DPY19L1: variants seen among roughly 807,000 people sequenced by gnomAD.
The protein encoded by DPY19L1 is dpy-19 like C-mannosyltransferase 1, also known as protein C-mannosyl-transferase DPY19L1.
A neutral mutation model predicts 96.9 loss-of-function variants in DPY19L1; 35 were observed. The ratio of observed to expected loss-of-function variants is 0.36; its 90% CI spans 0.28 to 0.48. The LOEUF (loss-of-function observed/expected upper bound fraction) is 0.48. Ranked by LOEUF, DPY19L1 falls within the 20% of genes least tolerant of loss-of-function variation. DPY19L1 has a pLI of 0.99. For synonymous variants in DPY19L1, 205 were observed against 252.6 expected, an observed-to-expected ratio of 0.81 and a Z score of 1.79; for missense variants, 521 against 777.9, an observed-to-expected ratio of 0.67 and a Z score of 3.93.
intron 3 of DPY19L1, among the ~76,000 whole-genome samples, chr7:35,016,064 C>T (rs1268554711): frequency 5.0e-5 from 7 of 140,424 alleles, no homozygotes; most frequent in Non-Finnish European, 9.8e-5. Flanking sequence ...TTTCTTTTCT[C>T]TTTAAAAAAA....
chr7:34,989,255 T>C (rs2128671987), intron 7 of DPY19L1, among the ~76,000 whole-genome samples: 1 of 152,298 alleles, frequency 6.6e-6, no homozygotes, highest in South Asian at 2.1e-4. Flanking sequence ...GAAAGTTGTA[T>C]CAATTACCAC....
intron 9 of DPY19L1, among the ~76,000 whole-genome samples, chr7:34,968,268 C>T (rs934465756): frequency 1.3e-5 from 2 of 151,966 alleles, no homozygotes; most frequent in Non-Finnish European, 2.9e-5. Context: ...CTACTAAGTA[C>T]CAGGTACTGT....
chr7:34,940,019 T>C, intron 19 of DPY19L1, 134 bp downstream of exon 19: 1 of 754,686 alleles, frequency 1.3e-6, no homozygotes, highest in Non-Finnish European at 1.9e-6. Context: ...GTTTTAGATA[T>C]TCTAAAAGCA....
upstream of DPY19L1, chr7:35,038,015 G>A: frequency 3.4e-6 from 3 of 881,448 alleles, no homozygotes; most frequent in Non-Finnish European, 4.4e-6. Flanking sequence ...GGGGCAGGGA[G>A]AAGGCGCCCG....
intron 7 of DPY19L1, 88 bp from the exon 8 acceptor site, chr7:34,973,693 T>TG: frequency 4.5e-6 from 3 of 667,698 alleles, no homozygotes; most frequent in Non-Finnish European, 6.5e-6. Context: ...TAAAATTATT[T>TG]TTAACAAATA....
intron 5 of DPY19L1, among the ~76,000 whole-genome samples, 174 bp from the exon 6 acceptor site, chr7:35,010,735 G>A (rs1354453073): frequency 6.6e-6 from 1 of 152,052 alleles, no homozygotes; most frequent in Non-Finnish European, 1.5e-5. Flanking sequence ...ATGAGACCAG[G>A]GTAATTAGCA....
At chr7:35,022,790 A>T (rs1448719204) in intron 1 of DPY19L1, among the ~76,000 whole-genome samples, 1 of 151,986 alleles carries the variant, frequency 6.6e-6, no homozygotes, top group Non-Finnish European at 1.5e-5. Flanking sequence ...ACACACACAC[A>T]CATCATCCTT....
At chr7:34,942,275 T>C (rs1326333874) in intron 17 of DPY19L1, among the ~76,000 whole-genome samples, 2 of 152,078 alleles carry the variant, frequency 1.3e-5, no homozygotes, top group Non-Finnish European at 2.9e-5. Context: ...ATGGGAGCAG[T>C]AACCAATCAC....
intron 6 of DPY19L1, among the ~76,000 whole-genome samples, chr7:34,992,086 C>T (rs1048210104): frequency 1.3e-5 from 2 of 152,156 alleles, no homozygotes; most frequent in African/African-American, 4.8e-5. Context: ...TGCCCGGAAG[C>T]ACTGCAGCAG....
Position 35,037,156 on chromosome 7 carries a change from C to A in DPY19L1, c.239G>T (p.Arg80Leu). 5.7e-6 allele frequency: 1 copy of A among 175,060 alleles called. No homozygotes were observed. The highest frequency in any genetic ancestry group is 1.2e-4 in the East Asian group (1 of 8,318). The allele number at this position is 175,060 out of a possible 1,614,324, so 10.8% of individuals were successfully genotyped here. ...CGCGCGCCGCAGGCCCAGCGCCCAG[C>A]GCAGCCGGGCGGCCAGGCGCCCCCC... ...GLGGRLAARL[R>L]WALGLRRAGR... The change falls in exon 1 of 22, where the codon CGC becomes CTC. Residue 80 changes from arginine to leucine, a missense_variant. Arg to Leu is a moderately radical substitution (Grantham distance 102). Transcript: ENST00000638088.
intron 1 of DPY19L1, among the ~76,000 whole-genome samples, chr7:35,031,334 G>A (rs1786255478): frequency 6.6e-6 from 1 of 152,140 alleles, no homozygotes; most frequent in African/African-American, 2.4e-5. Context: ...AGTAATCTAG[G>A]CATGATTTAA....
chr7:34,951,665 G>C (rs968985235), intron 13 of DPY19L1, among the ~76,000 whole-genome samples: 1 of 151,734 alleles, frequency 6.6e-6, no homozygotes, highest in African/African-American at 2.4e-5. Context: ...ACAAAAAGAA[G>C]TAAGAATAAG....
chr7:34,970,648 A>T (rs1220722709), intron 8 of DPY19L1, among the ~76,000 whole-genome samples: 2 of 152,222 alleles, frequency 1.3e-5, no homozygotes, highest in African/African-American at 2.4e-5. Flanking sequence ...GCTTTTGAAT[A>T]CTAAATATGA....
At chr7:34,980,066 T>C (rs754342386) in intron 7 of DPY19L1, among the ~76,000 whole-genome samples, 2 of 152,128 alleles carry the variant, frequency 1.3e-5, no homozygotes, top group East Asian at 1.9e-4. Context: ...AACAGACTAA[T>C]AGAACATAAT....
At chr7:34,997,550 C>T (rs921694328) in intron 6 of DPY19L1, among the ~76,000 whole-genome samples, 36 of 139,688 alleles carry the variant, frequency 2.6e-4, no homozygotes, top group African/African-American at 9.2e-4. Context: ...GCGGAGCTTG[C>T]AGTGAGCTGA....
chr7:35,024,306 C>T (rs537005662), intron 1 of DPY19L1, among the ~76,000 whole-genome samples: 47 of 152,272 alleles, frequency 3.1e-4, no homozygotes, highest in African/African-American at 1.0e-3. Context: ...AAGTTAAGGA[C>T]ACTCCTTAAA....
intron 1 of DPY19L1, among the ~76,000 whole-genome samples, chr7:35,025,768 C>A (rs550430663): frequency 3.0e-4 from 46 of 152,170 alleles, no homozygotes; most frequent in Non-Finnish European, 6.2e-4. Flanking sequence ...AGCTAGTAGG[C>A]CTGGAAGTGC....
chr7:34,948,080 AAC>A (rs76586610), intron 14 of DPY19L1, among the ~76,000 whole-genome samples: 7 of 151,764 alleles, frequency 4.6e-5, no homozygotes, highest in Non-Finnish European at 7.4e-5. Context: ...TTATCCTTGA[AAC>A]ACACACACAC....
At position 34,942,564 on chromosome 7, in the gene DPY19L1, A is replaced by C. The variant is rs1784045104; in HGVS notation, c.1569+51T>G. On this transcript the variant is annotated intron_variant, in intron 17 of 21. Coordinates refer to ENST00000638088, the MANE Select transcript of DPY19L1 (RefSeq NM_001366673.1). ...AACTGGAACTAGAAAGGAAAGTCCA[A>C]ATGCATGCAACTTTAAGATAAGTAA... 5.6e-6 allele frequency: 8 copies of C among 1,429,964 alleles called. No individual in the cohort carries two copies. The East Asian group carries it at 1.8e-4, about 33-fold the overall frequency. 88.6% of individuals were successfully genotyped at this position (1,429,964 alleles called of 1,614,324 possible).
Sources: allele counts gnomAD v4.1 joint callset (sites outside exome capture counted in the v4.1 genomes callset), GRCh38; gene constraint gnomAD v4.1.1; transcripts MANE v1.5; gene names NCBI Gene and HGNC (gene_info 2026-07-23, HGNC 2026-07-21).